Variants in MN1 observed in about 807,000 individuals in gnomAD.
The protein encoded by MN1 is transcriptional activator MN1.
MN1 carries 19 observed loss-of-function variants against 86.9 expected under a neutral mutation model. That is an observed-to-expected ratio of 0.22 (90% confidence interval 0.15 to 0.32). The LOEUF (loss-of-function observed/expected upper bound fraction) is 0.32. Among genes scored for constraint, MN1 ranks in the 10% least tolerant of loss-of-function variants. MN1 has a pLI of 1.00. For synonymous variants in MN1, 928 were observed against 849.6 expected (o/e 1.09, Z -1.60); for missense variants, 1,841 against 1,862.0 (o/e 0.99, Z 0.21).
chr22:27,791,677 C>T (rs1172393367), intron 1 of MN1: 6 of 152,098 alleles, frequency 3.9e-5, no homozygotes, highest in African/African-American at 1.4e-4. Context: ...ACATTTGATC[C>T]TATTATATAA....
At chr22:27,764,106 T>C (rs1159351970) in intron 1 of MN1, among the ~76,000 whole-genome samples, 2 of 152,156 alleles carry the variant, frequency 1.3e-5, no homozygotes, top group African/African-American at 2.4e-5. Context: ...TGGAAGAAGT[T>C]AGACCGTGTT....
chr22:27,767,398 A>C (rs1932878015), intron 1 of MN1, among the ~76,000 whole-genome samples: 1 of 152,078 alleles, frequency 6.6e-6, no homozygotes, highest in Admixed American at 6.5e-5. Flanking sequence ...AATTATATCC[A>C]CTCACTTCCC....
At chr22:27,751,538 C>G (rs1362057331) in intron 1 of MN1, among the ~76,000 whole-genome samples, 1 of 152,194 alleles carries the variant, frequency 6.6e-6, no homozygotes, top group Admixed American at 6.5e-5. Context: ...GTCCAGAACA[C>G]AGCCTGTTTG....
At chr22:27,789,575 G>A (rs1046752647) in intron 1 of MN1, among the ~76,000 whole-genome samples, 3 of 152,210 alleles carry the variant, frequency 2.0e-5, no homozygotes, top group Middle Eastern at 3.2e-3. Flanking sequence ...ACACGAAAAC[G>A]TGATTTCCCT....
chr22:27,764,314 C>A (rs1932854341), intron 1 of MN1, among the ~76,000 whole-genome samples: 1 of 152,254 alleles, frequency 6.6e-6, no homozygotes, highest in Non-Finnish European at 1.5e-5. Context: ...AAGAGTCCCA[C>A]TCCCATGGGA....
At chr22:27,778,514 A>G (rs1218105102) in intron 1 of MN1, among the ~76,000 whole-genome samples, 3 of 152,192 alleles carry the variant, frequency 2.0e-5, no homozygotes, top group Non-Finnish European at 4.4e-5. Flanking sequence ...GAGGAGAAGC[A>G]TCTGTATTTA....
intron 1 of MN1, among the ~76,000 whole-genome samples, chr22:27,783,176 C>T (rs1933077881): frequency 1.3e-5 from 2 of 151,440 alleles, no homozygotes; most frequent in South Asian, 4.2e-4. Context: ...GCTCTGTTGC[C>T]CAGGCTGGAG....
At chr22:27,772,597 C>T (rs434737) in intron 1 of MN1, among the ~76,000 whole-genome samples, 44,193 of 151,962 alleles carry the variant, frequency 0.29, 6,928 homozygotes, top group Non-Finnish European at 0.37. Flanking sequence ...CAGGTGCAGA[C>T]GTCTGTGGGG....
chr22:27,798,235 C>T lies in MN1; in HGVS notation c.2309G>A (p.Gly770Glu). ...GPGVNSPPSAGGGGGSSGGGG... is the reference protein window; with the variant it reads ...GPGVNSPPSAEGGGGSSGGGG... ...GCCACCAGAGCTGCCACCGCCCCCT[C>T]CCGCGCTGGGGGGCGAGTTCACGCC... Residue 770 changes from glycine to glutamate, a missense_variant, in exon 1 of 2, where the codon GGA (glycine) becomes GAA (glutamate). Physicochemically the swap from Gly to Glu is moderately conservative, Grantham distance 98. Transcript: ENST00000302326. 6.6e-7 allele frequency: 1 copy of T among 1,518,920 alleles called. No individual in the cohort carries two copies. Among genetic ancestry groups the T allele is most frequent in the Non-Finnish European group, 8.7e-7 (1 of 1,143,358 alleles). The allele number at this position is 1,518,920 out of a possible 1,614,324, so 94.1% of individuals were successfully genotyped here. A position where few individuals can be genotyped will look rare whatever the true frequency, so the allele number is the denominator to read the frequency against.
rs747425753 is a variant in MN1, at chr22:27,800,186, C to A, written c.358G>T (p.Gly120Cys). ...HHPHFGGNFG[G>C]PDPGASCLHG... is the part of the protein sequence containing the mutation. ...AGGCACGAGGCCCCGGGGTCCGGGC[C>A]ACCGAAGTTGCCCCCAAAGTGGGGG... The change falls in exon 1 of 2, where the codon GGC becomes TGC. Residue 120 changes from glycine to cysteine, a missense_variant. By Grantham distance (159) the Gly-to-Cys change is radical. Transcript: ENST00000302326. 16 of 1,550,676 alleles carry A rather than the reference C, an allele frequency of 1.0e-5. No individual in the cohort carries two copies. In the South Asian group the frequency reaches 1.7e-4, roughly 17 times the overall value.
chr22:27,754,998 G>T (rs1932793336), intron 1 of MN1, among the ~76,000 whole-genome samples: 1 of 152,186 alleles, frequency 6.6e-6, no homozygotes, highest in South Asian at 2.1e-4. Flanking sequence ...GCCCTCAGTT[G>T]GGTCCAGTGT....
At chr22:27,789,551 C>G (rs1933183840) in intron 1 of MN1, among the ~76,000 whole-genome samples, 1 of 152,212 alleles carries the variant, frequency 6.6e-6, no homozygotes, top group African/African-American at 2.4e-5. Flanking sequence ...GGACTCAGAG[C>G]TTTCAAGATG....
chr22:27,754,811 A>G (rs1297665385), intron 1 of MN1, among the ~76,000 whole-genome samples: 2 of 152,084 alleles, frequency 1.3e-5, no homozygotes, highest in Non-Finnish European at 2.9e-5. Context: ...CCCCTTGCCA[A>G]GCTCCCAGGG....
chr22:27,775,566 G>C (rs1028210025), intron 1 of MN1, among the ~76,000 whole-genome samples: 2 of 152,104 alleles, frequency 1.3e-5, no homozygotes, highest in Non-Finnish European at 2.9e-5. Flanking sequence ...CATATGAGTG[G>C]CATCTTGCTC....
At position 27,797,113 on chromosome 22, in the gene MN1, G is replaced by A; in HGVS notation, c.3431C>T (p.Ala1144Val). 6.3e-7 allele frequency: 1 copy of A among 1,594,330 alleles called. No homozygotes were observed. Among genetic ancestry groups the A allele is most frequent in the Non-Finnish European group, 8.5e-7 (1 of 1,171,742 alleles). The change falls in exon 1 of 2, where the codon GCC becomes GTC. Residue 1144 changes from alanine to valine, a missense_variant. By Grantham distance (64) the Ala-to-Val change is moderately conservative (BLOSUM62 0). Transcript: ENST00000302326. ...GGGGTGGATCTCGTCGGGTGGCGGGGCGCCGCTGCTGCTCGTCGGGGTGCG... is the reference window on the plus strand; with the variant it reads ...GGGGTGGATCTCGTCGGGTGGCGGGACGCCGCTGCTGCTCGTCGGGGTGCG... ...QVRTPTSSSG[A>V]PPPDEIHPLE...
Position 27,797,922 on chromosome 22 carries a change from C to G in MN1, c.2622G>C (p.Pro874=), listed in dbSNP as rs368300884. Residue 874 remains proline, a synonymous_variant, in exon 1 of 2, where the codon CCG becomes CCC. Coordinates refer to ENST00000302326, the MANE Select transcript of MN1 (RefSeq NM_002430.3). Reference sequence around the variant, plus strand: ...TCCCTCCTGGGAAGTAATCCGAGCCCGGGTTGCCGGCCACTGCCGCGCCGT... The same window carrying G: ...TCCCTCCTGGGAAGTAATCCGAGCCGGGGTTGCCGGCCACTGCCGCGCCGT... ...ETDGAAVAGN[P]GSDYFPGGTA... is the part of the protein sequence containing the mutation. 2 of 1,600,526 alleles carry G rather than the reference C, an allele frequency of 1.2e-6. No individual in the cohort carries two copies. The highest frequency in any genetic ancestry group is 2.7e-5 in the African/African-American group (2 of 74,396).
chr22:27,800,283 A>T lies in MN1; in HGVS notation c.261T>A (p.Pro87=), dbSNP rs371101047. ...GCTGGCCGCCAAAGAAGCCGTGCACAGGCTGCGCTTGCAGCCCCCCTGCGT... is the reference window on the plus strand; with the variant it reads ...GCTGGCCGCCAAAGAAGCCGTGCACTGGCTGCGCTTGCAGCCCCCCTGCGT... ...ELHAGGLQAQ[P]VHGFFGGQQP... Residue 87 remains proline, a synonymous_variant, in exon 1 of 2, where the codon CCT becomes CCA. Transcript: ENST00000302326. 1 of 1,578,838 alleles carries T rather than the reference A, an allele frequency of 6.3e-7. No individual in the cohort carries two copies.
Position 27,798,552 on chromosome 22 carries a change from C to A in MN1, c.1992G>T (p.Ala664=). ...CCGAGCCACCAGGCGGAGGAGGGGG[C>A]GCCAGGCTGGGGTCGTGCGGGCCAC... The part of the protein sequence containing the change: ...ADCGPHDPSL[A]PPPPPGGSGV... Residue 664 remains alanine, a synonymous_variant, in exon 1 of 2, where the codon GCG becomes GCT. Coordinates refer to ENST00000302326, the MANE Select transcript of MN1 (RefSeq NM_002430.3). 2.0e-6 allele frequency: 3 copies of A among 1,517,988 alleles called. No individual in the cohort carries two copies. Among genetic ancestry groups the A allele is most frequent in the Non-Finnish European group, 8.7e-7 (1 of 1,143,184 alleles). 94.0% of individuals were successfully genotyped at this position (1,517,988 alleles called of 1,614,324 possible).
intron 1 of MN1, among the ~76,000 whole-genome samples, chr22:27,783,470 G>A (rs1933081262): frequency 6.6e-6 from 1 of 152,102 alleles, no homozygotes; most frequent in African/African-American, 2.4e-5. Flanking sequence ...GAAACCTCTA[G>A]TTTAAGACCC....
Sources: allele counts gnomAD v4.1 joint callset (sites outside exome capture counted in the v4.1 genomes callset), GRCh38; gene constraint gnomAD v4.1.1; transcripts MANE v1.5; gene names NCBI Gene and HGNC (gene_info 2026-07-23, HGNC 2026-07-21).